The following TAAR8 variants were observed in gnomAD, a reference collection of about 807,000 sequenced individuals.
TAAR8 encodes trace amine-associated receptor 8.
For missense variants in TAAR8, 459 were observed against 405.8 expected, an observed-to-expected ratio of 1.13 and a Z score of -1.13; for synonymous variants, 157 against 152.7, an observed-to-expected ratio of 1.03 and a Z score of -0.21.
At chr6:132,553,208 T>C in exon 1 of TAAR8, 1 of 1,614,212 alleles carries the variant, frequency 6.2e-7, no homozygotes, top group Non-Finnish European at 8.5e-7. Flanking sequence ...CAGGTGTCAA[T>C]GATGATGGGC....
At chr6:132,552,865 A>G (rs756919927) in exon 1 of TAAR8, 7 of 1,614,008 alleles carry the variant, frequency 4.3e-6, no homozygotes, top group Non-Finnish European at 5.9e-6. Context: ...TCTGTTCTTC[A>G]TTTTAAGCAG....
At chr6:132,553,686 G>C (rs1336814352) in exon 1 of TAAR8, 5 of 1,599,056 alleles carry the variant, frequency 3.1e-6, no homozygotes, top group Middle Eastern at 1.7e-4. Flanking sequence ...TGTTTTAAAG[G>C]CTAGTTCATC....
Position 132,553,168 on chromosome 6 carries a change from C to T in TAAR8, c.476C>T (p.Pro159Leu). ...TGCATCAGCGTGTCCTGGATTCTGC[C>T]TCTCACGTACAGCGGTGCTGTGTTC... Residue 159 changes from proline (P) to leucine (L), a missense_variant, in exon 1 of 1, where the codon CCT (proline) becomes CTT (leucine). By Grantham distance (98) the Pro-to-Leu change is moderately conservative (BLOSUM62 -3). Coordinates refer to ENST00000275200, the Ensembl canonical transcript of TAAR8. The T allele has an allele frequency of 1.2e-6, 2 of 1,614,086 alleles. No homozygotes were observed. Among genetic ancestry groups the T allele is most frequent in the South Asian group, 2.2e-5 (2 of 91,070 alleles).
exon 1 of TAAR8, chr6:132,552,706 T>G (rs772472028): frequency 1.2e-6 from 2 of 1,605,314 alleles, no homozygotes; most frequent in South Asian, 2.2e-5. Flanking sequence ...ACCAGCAATT[T>G]TTCCCAACCT....
Position 132,553,335 on chromosome 6 carries a change from CT to C in TAAR8, c.646del (p.Tyr216ThrfsTer7), listed in dbSNP as rs1562356921. 6.2e-7 allele frequency: 1 copy of C among 1,613,940 alleles called. No homozygotes were observed. ...CATACCTACCCTTGTTATGATAATT[CT>C]TTACAGTAAGATTTTTCTTATAGCT... On this transcript the variant is annotated frameshift_variant, in exon 1 of 1. Transcript: ENST00000275200. LOFTEE classifies it low-confidence loss of function (END_TRUNC).
exon 1 of TAAR8, chr6:132,553,340 C>T (rs1490240051): frequency 6.2e-7 from 1 of 1,613,978 alleles, no homozygotes; most frequent in Non-Finnish European, 8.5e-7. Context: ...TAATTCTTTA[C>T]AGTAAGATTT....
rs1776401980 is a variant in TAAR8 at position 132,552,953 on chromosome 6, C to A, written c.261C>A (p.Phe87Leu). ...TGGTAGGTGTGACTGTGATGCTTTT[C>A]AGCATGGTCAGGACGGTGGAGAGCT... Residue 87 changes from phenylalanine (F) to leucine (L), a missense_variant, in exon 1 of 1, where the codon TTC becomes TTA. Phe to Leu is a conservative substitution (Grantham distance 22). Coordinates refer to ENST00000275200, the Ensembl canonical transcript of TAAR8. 2 of 1,614,088 alleles carry A rather than the reference C, an allele frequency of 1.2e-6. No homozygotes were observed. The highest frequency in any genetic ancestry group is 2.7e-5 in the African/African-American group (2 of 74,930).
chr6:132,553,304 A>G, exon 1 of TAAR8: 1 of 1,614,158 alleles, frequency 6.2e-7, no homozygotes, highest in Non-Finnish European at 8.5e-7. Context: ...ATTTTCTGTT[A>G]TTCTTCATAC....
exon 1 of TAAR8, chr6:132,553,623 G>A: frequency 2.5e-6 from 4 of 1,613,892 alleles, no homozygotes; most frequent in Non-Finnish European, 3.4e-6. Flanking sequence ...TTTGATTTAT[G>A]CTCTATTTTA....
At chr6:132,553,687 C>T (rs1194896142) in exon 1 of TAAR8, 3 of 1,597,850 alleles carry the variant, frequency 1.9e-6, no homozygotes, top group African/African-American at 2.7e-5. Context: ...GTTTTAAAGG[C>T]TAGTTCATCA....
exon 1 of TAAR8, chr6:132,553,136 G>C: frequency 6.2e-7 from 1 of 1,614,132 alleles, no homozygotes; most frequent in Non-Finnish European, 8.5e-7. Flanking sequence ...TGTCTGTGTC[G>C]GGAATTTGCA....
chr6:132,553,082 C>T, exon 1 of TAAR8: 1 of 1,614,214 alleles, frequency 6.2e-7, no homozygotes, highest in Non-Finnish European at 8.5e-7. Context: ...TCGACAGGTA[C>T]ATTGTGGTTA....
At chr6:132,553,208 T>A (rs750548264) in exon 1 of TAAR8, 1 of 1,614,212 alleles carries the variant, frequency 6.2e-7, no homozygotes, top group Admixed American at 1.7e-5. Context: ...CAGGTGTCAA[T>A]GATGATGGGC....
At chr6:132,553,538 T>C (rs1776412046) in exon 1 of TAAR8, 1 of 1,614,112 alleles carries the variant, frequency 6.2e-7, no homozygotes, top group South Asian at 1.1e-5. Context: ...TTGATGCCTT[T>C]ATGGGCTTCC....
At chr6:132,553,071 A>T in exon 1 of TAAR8, 5 of 1,614,206 alleles carry the variant, frequency 3.1e-6, no homozygotes, top group Middle Eastern at 1.6e-4. Flanking sequence ...CTTCATCTGC[A>T]TCGACAGGTA....
Position 132,553,452 on chromosome 6 carries a change from A to G in TAAR8, c.760A>G (p.Lys254Glu), listed in dbSNP as rs1050017832. The G allele has an allele frequency of 1.2e-6, 2 of 1,614,024 alleles. No homozygotes were observed. Among genetic ancestry groups the G allele is most frequent in the African/African-American group, 2.7e-5 (2 of 74,922 alleles). Residue 254 changes from lysine (K) to glutamate (E), a missense_variant, in exon 1 of 1, where the codon AAA becomes GAA. Lys to Glu is a moderately conservative substitution (Grantham distance 56). Coordinates refer to ENST00000275200, the Ensembl canonical transcript of TAAR8. Reference sequence around the variant, plus strand: ...AATCAGAGTGGCCAAGAGAGAGAGGAAAGCAGCTAAAACCCTGGGGGTCAC... The same window carrying G: ...AATCAGAGTGGCCAAGAGAGAGAGGGAAGCAGCTAAAACCCTGGGGGTCAC...
At chr6:132,553,354 TTATAGC>T (rs1217874823) in exon 1 of TAAR8, 1 of 1,614,074 alleles carries the variant, frequency 6.2e-7, no homozygotes, top group Admixed American at 1.7e-5. Flanking sequence ...AAGATTTTTC[TTATAGC>T]TAAACAACAA....
chr6:132,553,465 C>G, exon 1 of TAAR8: 2 of 1,614,086 alleles, frequency 1.2e-6, no homozygotes, highest in Non-Finnish European at 1.7e-6. Flanking sequence ...GCAGCTAAAA[C>G]CCTGGGGGTC....
chr6:132,553,268 T>G, exon 1 of TAAR8: 1 of 1,614,208 alleles, frequency 6.2e-7, no homozygotes, highest in Non-Finnish European at 8.5e-7. Context: ...GTCAAATTAT[T>G]GTAAGTCAAG....
Sources: gnomAD v4.1 joint callset for allele counts on GRCh38, gnomAD v4.1.1 for gene constraint, MANE v1.5 for transcripts, NCBI Gene and HGNC (gene_info 2026-07-23, HGNC 2026-07-21) for gene names.